Variants in RPN2 observed in about 807,000 individuals in gnomAD.
The protein encoded by RPN2 is ribophorin II, also known as dolichyl-diphosphooligosaccharide--protein glycosyltransferase subunit 2.
A neutral mutation model predicts 71.4 loss-of-function variants in RPN2; 29 were observed. That is an observed-to-expected ratio of 0.41 (90% CI 0.30 to 0.55). The LOEUF (loss-of-function observed/expected upper bound fraction) is 0.55. RPN2 is among the 20% of genes least tolerant of loss of function. RPN2 has a pLI of 0.35. For synonymous variants in RPN2, 308 were observed against 305.0 expected, an observed-to-expected ratio of 1.01 and a Z score of -0.10; for missense variants, 726 against 774.1, an observed-to-expected ratio of 0.94 and a Z score of 0.74.
At chr20:37,211,283 C>T (rs2067657914) in intron 8 of RPN2, among the ~76,000 whole-genome samples, 1 of 151,452 alleles carries the variant, frequency 6.6e-6, no homozygotes, top group African/African-American at 2.4e-5. Context: ...GATCCACCCA[C>T]CTCGGCCTCC....
intron 13 of RPN2, 94 bp from the exon 14 acceptor site, chr20:37,232,202 C>T: frequency 6.7e-7 from 1 of 1,496,388 alleles, no homozygotes; most frequent in Non-Finnish European, 9.3e-7. Flanking sequence ...ATATCCTCTT[C>T]ATGACTGACA....
At chr20:37,234,863 T>C (rs1199779615) in intron 15 of RPN2, among the ~76,000 whole-genome samples, 2 of 152,090 alleles carry the variant, frequency 1.3e-5, no homozygotes, top group Non-Finnish European at 2.9e-5. Flanking sequence ...GTATTTTTTG[T>C]AGAGACGGGG....
intron 8 of RPN2, 85 bp from the exon 9 acceptor site, chr20:37,213,675 C>T: frequency 9.6e-7 from 1 of 1,041,158 alleles, no homozygotes; most frequent in Non-Finnish European, 1.5e-6. Context: ...TGGACAGTCT[C>T]CAGGAGACAT....
intron 5 of RPN2, 95 bp downstream of exon 5, chr20:37,204,055 G>T (rs554151017): frequency 1.2e-6 from 1 of 847,768 alleles, no homozygotes; most frequent in East Asian, 2.5e-5. Context: ...GTTACTACAG[G>T]TTACATTGCT....
chr20:37,179,804 C>G (rs8115763), intron 1 of RPN2, among the ~76,000 whole-genome samples: 1 of 152,054 alleles, frequency 6.6e-6, no homozygotes, highest in Non-Finnish European at 1.5e-5. Flanking sequence ...AAAGAAAACC[C>G]TCACTTCTCT....
rs748559132 is a variant in RPN2 at position 37,204,771 on chromosome 20, T to C, written c.560T>C (p.Leu187Pro). ...LRSIVEEIEDLVARLDELGGV... is the reference protein window; with the variant it reads ...LRSIVEEIEDPVARLDELGGV... ...ATTTCTGTTTTGTTATGGCAGGACC[T>C]TGTTGCTCGCCTGGATGAACTCGGG... is the stretch of plus-strand genomic sequence containing the variant. Residue 187 changes from leucine (L) to proline (P), a missense_variant, in exon 6 of 17, where the codon CTT becomes CCT. By Grantham distance (98) the Leu-to-Pro change is moderately conservative. Transcript: ENST00000237530. 1 of 1,614,184 alleles carries C rather than the reference T, an allele frequency of 6.2e-7. No homozygotes were observed. The highest frequency in any genetic ancestry group is 8.5e-7 in the Non-Finnish European group (1 of 1,180,028).
intron 16 of RPN2, chr20:37,238,527 C>A: frequency 9.6e-7 from 1 of 1,039,008 alleles, no homozygotes; most frequent in South Asian, 1.3e-5. Context: ...TCAGTTATCT[C>A]TCTAGTTTTC....
At position 37,225,802 on chromosome 20, in the gene RPN2, G is replaced by A. The variant is rs2068061696; in HGVS notation, c.1299G>A (p.Gln433=). Residue 433 remains glutamine, a splice_region_variant and synonymous_variant, in exon 11 of 17, where the codon CAG becomes CAA. Transcript: ENST00000237530. The stretch of plus-strand genomic sequence containing the variant: ...CTGGTGCTGAACTCACTCCTCACCA[G>A]GTCAGGAAGACACCTAGACAGTTCT... ...VNTGAELTPH[Q]TFVRLHNQKT... 6.2e-7 allele frequency: 1 copy of A among 1,600,138 alleles called. No homozygotes were observed. Among genetic ancestry groups the A allele is most frequent in the Non-Finnish European group, 8.6e-7 (1 of 1,167,442 alleles).
intron 12 of RPN2, among the ~76,000 whole-genome samples, chr20:37,228,991 G>A (rs1371415049): frequency 6.6e-6 from 1 of 151,930 alleles, no homozygotes; most frequent in Non-Finnish European, 1.5e-5. Flanking sequence ...GTGAGTGCTA[G>A]TATCTGTGAA....
chr20:37,230,105 C>T (rs1568997266), intron 13 of RPN2, 46 bp downstream of exon 13: 4 of 1,401,030 alleles, frequency 2.9e-6, no homozygotes, highest in East Asian at 2.3e-5. Flanking sequence ...GAAGAGAGGG[C>T]AACAAAGCCC....
chr20:37,195,943 T>G (rs2067246876), intron 2 of RPN2, among the ~76,000 whole-genome samples: 1 of 152,258 alleles, frequency 6.6e-6, no homozygotes, highest in African/African-American at 2.4e-5. Context: ...AAAAAAATGC[T>G]TTGGTTGGAG....
At chr20:37,229,311 G>T (rs1230216496) in intron 12 of RPN2, among the ~76,000 whole-genome samples, 1 of 152,200 alleles carries the variant, frequency 6.6e-6, no homozygotes, top group African/African-American at 2.4e-5. Context: ...TGAGCAAGGG[G>T]TTGAAGAATG....
At chr20:37,231,729 G>GAA (rs1568998598) in intron 13 of RPN2, among the ~76,000 whole-genome samples, 3 of 87,228 alleles carry the variant, frequency 3.4e-5, no homozygotes, top group Admixed American at 1.1e-4. Flanking sequence ...AAAAGAAAAA[G>GAA]AAATGAGAGC....
chr20:37,199,792 G>A (rs2067338691), intron 4 of RPN2, among the ~76,000 whole-genome samples: 2 of 152,092 alleles, frequency 1.3e-5, no homozygotes, highest in South Asian at 4.2e-4. Flanking sequence ...GTAACTTCAG[G>A]GTGTTTTTTG....
chr20:37,201,501 C>T (rs537758938), intron 4 of RPN2, among the ~76,000 whole-genome samples: 6 of 152,008 alleles, frequency 3.9e-5, no homozygotes, highest in Admixed American at 2.0e-4. Flanking sequence ...CTGTACCCAA[C>T]GGAGTTAATA....
intron 15 of RPN2, among the ~76,000 whole-genome samples, chr20:37,234,633 A>T (rs1170089310): frequency 6.6e-6 from 1 of 151,410 alleles, no homozygotes; most frequent in Non-Finnish European, 1.5e-5. Flanking sequence ...TTTTGATGCT[A>T]TTGGATCAGG....
intron 1 of RPN2, among the ~76,000 whole-genome samples, chr20:37,181,379 CTG>C (rs2066875281): frequency 6.6e-6 from 1 of 151,972 alleles, no homozygotes; most frequent in South Asian, 2.1e-4. Flanking sequence ...TCAAAAAACA[CTG>C]TATGTGTACA....
chr20:37,181,886 A>G (rs868747896), intron 1 of RPN2, among the ~76,000 whole-genome samples: 3 of 141,540 alleles, frequency 2.1e-5, no homozygotes, highest in South Asian at 2.3e-4. Context: ...TTTCCATAGC[A>G]CTTACTTTGT....
At chr20:37,220,077 A>C (rs1568988981) in intron 9 of RPN2, among the ~76,000 whole-genome samples, 1 of 152,330 alleles carries the variant, frequency 6.6e-6, no homozygotes, top group East Asian at 1.9e-4. Flanking sequence ...ATGCAATGAT[A>C]ATAAGCCCCC....
Sources: allele counts gnomAD v4.1 joint callset (sites outside exome capture counted in the v4.1 genomes callset), GRCh38; gene constraint gnomAD v4.1.1; transcripts MANE v1.5; gene names NCBI Gene and HGNC (gene_info 2026-07-23, HGNC 2026-07-21).